The following KLF3 variants were observed in gnomAD, a reference collection of about 807,000 sequenced individuals.
KLF3 encodes Krueppel-like factor 3.
Under a neutral mutation model 32.7 loss-of-function variants are expected in KLF3, and 6 were observed. The ratio of observed to expected loss-of-function variants is 0.18; its 90% CI spans 0.10 to 0.36. The LOEUF (loss-of-function observed/expected upper bound fraction) is 0.36. Ranked by LOEUF, KLF3 falls within the 10% of genes least tolerant of loss-of-function variation. The probability of loss-of-function intolerance (pLI) is 1.00; values close to 1 mark genes in which losing one functional copy is unlikely to be tolerated. For synonymous variants in KLF3, 145 were observed against 172.8 expected (o/e 0.84, Z 1.26); for missense variants, 338 against 449.7 (o/e 0.75, Z 2.25).
chr4:38,680,011 G>C (rs1235557917), intron 1 of KLF3, among the ~76,000 whole-genome samples: 1 of 152,160 alleles, frequency 6.6e-6, no homozygotes, highest in Non-Finnish European at 1.5e-5. Flanking sequence ...GCTGTACATA[G>C]TGTTCCAGAA....
chr4:38,699,863 C>G lies in KLF3; in HGVS notation c.*2600C>G, dbSNP rs1316382496. ...CTATGATAGTTGAGAAATTTAGCCTCTTAGTCATTTTTAGCTGTTATTGTG... is the reference window on the plus strand; with the variant it reads ...CTATGATAGTTGAGAAATTTAGCCTGTTAGTCATTTTTAGCTGTTATTGTG... On this transcript the variant is annotated 3_prime_UTR_variant, in exon 6 of 6. Coordinates refer to ENST00000261438, the MANE Select transcript of KLF3 (RefSeq NM_016531.6). 6.6e-6 allele frequency: 1 copy of G among 152,128 alleles called. No individual in the cohort carries two copies. The highest frequency in any genetic ancestry group is 1.5e-5 in the Non-Finnish European group (1 of 68,026). 9.4% of individuals were successfully genotyped at this position (152,128 alleles called of 1,614,324 possible).
chr4:38,665,780 A>G (rs1017503889), intron 1 of KLF3, among the ~76,000 whole-genome samples: 1 of 152,250 alleles, frequency 6.6e-6, no homozygotes, highest in Non-Finnish European at 1.5e-5. Context: ...GTTTTTCCAC[A>G]CAGCAGTTTT....
chr4:38,694,109 T>C (rs1722970428), intron 4 of KLF3, among the ~76,000 whole-genome samples: 1 of 152,210 alleles, frequency 6.6e-6, no homozygotes, highest in African/African-American at 2.4e-5. Flanking sequence ...AAGACAGCAA[T>C]GCCAACTTTT....
intron 1 of KLF3, among the ~76,000 whole-genome samples, chr4:38,668,329 GA>G (rs1324384835): frequency 6.6e-6 from 1 of 151,420 alleles, no homozygotes; most frequent in African/African-American, 2.4e-5. Context: ...CTTACTTGGG[GA>G]TTTTTTTTTT....
chr4:38,687,463 A>G (rs940315774), intron 2 of KLF3, among the ~76,000 whole-genome samples: 3 of 152,252 alleles, frequency 2.0e-5, no homozygotes, highest in African/African-American at 7.2e-5. Flanking sequence ...TTGTATTTAA[A>G]GCTGGCAGAT....
intron 2 of KLF3, among the ~76,000 whole-genome samples, chr4:38,682,676 A>G (rs555620400): frequency 1.9e-4 from 29 of 152,314 alleles, no homozygotes; most frequent in Middle Eastern, 3.4e-3. Flanking sequence ...GATATATATA[A>G]TTAAGTGCAA....
chr4:38,664,576 T>TGCAGCGCTGGTGTTGGGGGGGGC (rs1721938964), intron 1 of KLF3, 115 bp downstream of exon 1: 1 of 148,484 alleles, frequency 6.7e-6, no homozygotes, highest in Non-Finnish European at 1.5e-5. Context: ...GGGTCGGGGG[T>TGCAGCGCTGGTGTTGGGGGGGGC]GCAGCGCTGG....
At chr4:38,669,984 C>T (rs1347524574) in intron 1 of KLF3, among the ~76,000 whole-genome samples, 4 of 138,364 alleles carry the variant, frequency 2.9e-5, no homozygotes, top group Non-Finnish European at 3.1e-5. Context: ...TTCTCTGGAA[C>T]AGTAAGAAAA....
chr4:38,688,699 C>G lies in KLF3; in HGVS notation c.172C>G (p.Gln58Glu). 1.9e-6 allele frequency: 3 copies of G among 1,614,234 alleles called. No homozygotes were observed. Among genetic ancestry groups the G allele is most frequent in the Non-Finnish European group, 2.5e-6 (3 of 1,180,050 alleles). ...CCCAGAAGGTCTGTCGCACGGAATA[C>G]AGATGGAGCCAGTGGACCTCACGGT... The part of the protein sequence containing the change: ...QTPEGLSHGI[Q>E]MEPVDLTVNK... The change falls in exon 3 of 6, where the codon CAG becomes GAG. Residue 58 changes from glutamine to glutamate, a missense_variant. By Grantham distance (29) the Gln-to-Glu change is conservative. Coordinates refer to ENST00000261438, the MANE Select transcript of KLF3 (RefSeq NM_016531.6). This position sits in a 1 kb window ranked among gnomAD's most constrained non-coding sequence, Gnocchi z 4.9.
rs897223160 is a variant in KLF3, at chr4:38,699,667, A to C, written c.*2404A>C. On this transcript the variant is annotated 3_prime_UTR_variant, in exon 6 of 6. Transcript: ENST00000261438. ...GCAAGACCTTGCAAAGACTCTTAAC[A>C]TTACTGTTCAGCTTGCTTAGATTGT... 2 of 152,258 alleles carry C rather than the reference A, an allele frequency of 1.3e-5. No homozygotes were observed. The highest frequency in any genetic ancestry group is 4.8e-5 in the African/African-American group (2 of 41,470). The allele number at this position is 152,258 out of a possible 1,614,324, so 9.4% of individuals were successfully genotyped here.
intron 4 of KLF3, among the ~76,000 whole-genome samples, chr4:38,690,982 T>A (rs1208364271): frequency 6.6e-6 from 1 of 152,110 alleles, no homozygotes; most frequent in Admixed American, 6.5e-5. Context: ...TGCTCCCCAA[T>A]AGATGAAGAA....
In KLF3 at chr4:38,674,212, T is replaced by G. The variant is rs1722276280; in HGVS notation, c.-39-6375T>G. Among the ~76,000 whole-genome samples the G allele has an allele frequency of 6.6e-6, 1 of 152,134 alleles. No homozygotes were observed. Among genetic ancestry groups the G allele is most frequent in the Non-Finnish European group, 1.5e-5 (1 of 68,028 alleles). ...GTGCTTAGCTTTGTTTCAGGGAGCC[T>G]CCAGCTTAAAAATGCCTGCTGACAT... On this transcript the variant is annotated intron_variant, in intron 1 of 5. Coordinates refer to ENST00000261438, the MANE Select transcript of KLF3 (RefSeq NM_016531.6). The surrounding 1 kb of genome is among the most constrained non-coding windows in gnomAD (Gnocchi z 4.1).
At chr4:38,695,071 A>G (rs1723008706) in intron 5 of KLF3, among the ~76,000 whole-genome samples, 165 bp downstream of exon 5, 1 of 152,214 alleles carries the variant, frequency 6.6e-6, no homozygotes, top group Non-Finnish European at 1.5e-5. Context: ...ATTGCTAATG[A>G]TTTGCCTTTG....
Position 38,671,304 on chromosome 4 carries a change from ATT to A in KLF3, c.-40+6845_-40+6846del, listed in dbSNP as rs2109238186. On this transcript the variant is annotated intron_variant, in intron 1 of 5. Transcript: ENST00000261438. This position sits in a 1 kb window ranked among gnomAD's most constrained non-coding sequence, Gnocchi z 4.4. ...GTGCAGTTATTATGAGGATTTCCGT[ATT>A]TACTTGGGTCAAGCTGCCAATTTTT... 6.6e-6 allele frequency among the ~76,000 whole-genome samples: 1 copy of A among 152,314 alleles called. No homozygotes were observed. The highest frequency in any genetic ancestry group is 2.1e-4 in the South Asian group (1 of 4,824).
rs1485459617 is a variant in KLF3, at chr4:38,687,339, G to A, written c.58-1246G>A. 3.9e-5 allele frequency among the ~76,000 whole-genome samples: 6 copies of A among 152,212 alleles called. No individual in the cohort carries two copies. The East Asian group carries it at 1.2e-3, about 29-fold the overall frequency. ...TTTAATTTTTTTAAATTAAAAATTA[G>A]GTTGCATTCTACAAAGAAAATTTAC... On this transcript the variant is annotated intron_variant, in intron 2 of 5. Transcript: ENST00000261438.
At chr4:38,687,916 A>G (rs1001426282) in intron 2 of KLF3, among the ~76,000 whole-genome samples, 2 of 152,138 alleles carry the variant, frequency 1.3e-5, no homozygotes, top group African/African-American at 4.8e-5. Flanking sequence ...TGGGACTTTC[A>G]GTGCTGAAAC....
At chr4:38,693,050 G>GCACATATATATATATGTATATATATA (rs1553894810) in intron 4 of KLF3, among the ~76,000 whole-genome samples, 5 of 142,020 alleles carry the variant, frequency 3.5e-5, no homozygotes, top group East Asian at 4.1e-4. Context: ...TCTGCTGTTT[G>GCACATATATATATATGTATATATATA]CACATATATA....
At chr4:38,694,710 C>T (rs769857227) in intron 4 of KLF3, 36 bp from the exon 5 acceptor site, 12 of 1,516,174 alleles carry the variant, frequency 7.9e-6, no homozygotes, top group Middle Eastern at 2.2e-4. Flanking sequence ...GAAGAGCGTG[C>T]TCTCAACATT....
chr4:38,689,808 A>G lies in KLF3; in HGVS notation c.624A>G (p.Thr208=). 1 of 1,613,504 alleles carries G rather than the reference A, an allele frequency of 6.2e-7. No homozygotes were observed. Among genetic ancestry groups the G allele is most frequent in the South Asian group, 1.1e-5 (1 of 91,022 alleles). The change falls in exon 4 of 6, where the codon ACA becomes ACG. Residue 208 remains threonine (T), a synonymous_variant. Transcript: ENST00000261438. ...KIEPGIEPQR[T]DYYPEEMSPP... Reference sequence around the variant, plus strand: ...AACCTGGGATCGAACCACAGAGGACAGATTATTATCCTGAAGAAATGTCAC... The same window carrying G: ...AACCTGGGATCGAACCACAGAGGACGGATTATTATCCTGAAGAAATGTCAC...
Sources: gnomAD v4.1 joint callset for allele counts (sites outside exome capture counted in the v4.1 genomes callset) on GRCh38, gnomAD v4.1.1 for gene constraint, Gnocchi (gnomAD v3.1) non-coding constraint, MANE v1.5 for transcripts, NCBI Gene and HGNC (gene_info 2026-07-23, HGNC 2026-07-21) for gene names.